The following OR9I1 variants were observed in gnomAD, a reference collection of about 807,000 sequenced individuals.
The protein encoded by OR9I1 is olfactory receptor 9I1.
OR9I1 carries 7 observed loss-of-function variants against 11.2 expected under a neutral mutation model. That is an observed-to-expected ratio of 0.62 (90% CI 0.36 to 1.17). The LOEUF is 1.17. OR9I1 is among the 50% of genes most tolerant of loss of function. The pLI is 0.02. For missense variants in OR9I1, 428 were observed against 377.2 expected (o/e 1.13, Z -1.12); for synonymous variants, 165 against 153.4 (o/e 1.08, Z -0.56).
chr11:58,118,504 A>G lies in OR9I1; in HGVS notation c.941T>C (p.Met314Thr). Reference protein sequence around the residue: ...VARRLQVSLSM With the variant: ...VARRLQVSLST Reference sequence around the variant, plus strand: ...AAGAATTCCTCTTACTTAGATCTACATGCTCAGGGACACCTGGAGTCTCCT... The same window carrying G: ...AAGAATTCCTCTTACTTAGATCTACGTGCTCAGGGACACCTGGAGTCTCCT... Residue 314 changes from methionine to threonine, a missense_variant, in exon 3 of 3, where the codon ATG (methionine) becomes ACG (threonine). Coordinates refer to ENST00000641439, the MANE Select transcript of OR9I1 (RefSeq NM_001005211.2). 6.3e-7 allele frequency: 1 copy of G among 1,586,262 alleles called. No individual in the cohort carries two copies. Among genetic ancestry groups the G allele is most frequent in the Non-Finnish European group, 8.6e-7 (1 of 1,167,456 alleles).
intron 2 of OR9I1, among the ~76,000 whole-genome samples, chr11:58,121,412 T>A (rs934436210): frequency 2.0e-5 from 3 of 152,190 alleles, no homozygotes; most frequent in African/African-American, 7.2e-5. Context: ...AAGTCATCTC[T>A]ACTCTCCCAG....
At position 58,119,440 on chromosome 11, in the gene OR9I1, G is replaced by A; in HGVS notation, c.5C>T (p.Ala2Val). ...GGTTACTCTGGTGAGATTATTCTTG[G>A]CCATGGAGACAATGTGGACTGTTGG... MAKNNLTRVTEF... is the reference protein window; with the variant it reads MVKNNLTRVTEF... The change falls in exon 3 of 3, where the codon GCC becomes GTC. Residue 2 changes from alanine to valine, a missense_variant. By Grantham distance (64) the Ala-to-Val change is moderately conservative (BLOSUM62 0). Coordinates refer to ENST00000641439, the MANE Select transcript of OR9I1 (RefSeq NM_001005211.2). The A allele has an allele frequency of 1.9e-6, 3 of 1,592,988 alleles. No homozygotes were observed. Among genetic ancestry groups the A allele is most frequent in the Non-Finnish European group, 2.6e-6 (3 of 1,164,980 alleles).
At position 58,119,055 on chromosome 11, in the gene OR9I1, C is replaced by T. The variant is rs1853994668; in HGVS notation, c.390G>A (p.Leu130=). Residue 130 remains leucine, a synonymous_variant, in exon 3 of 3, where the codon CTG becomes CTA. Transcript: ENST00000641439. ...YDRYAAIRNP[L]LYTVAMNPRL... is the part of the protein sequence containing the mutation. ...TGGGATTCATGGCCACGGTATAGAG[C>T]AGTGGGTTGCGAATGGCAGCATAGC... The T allele has an allele frequency of 7.4e-6, 12 of 1,613,996 alleles. No homozygotes were observed. Among genetic ancestry groups the T allele is most frequent in the Non-Finnish European group, 9.3e-6 (11 of 1,179,992 alleles).
chr11:58,125,257 A>AG lies in OR9I1; in HGVS notation c.-225+16dup, dbSNP rs1269506723. ...ACCCACCGCCCCCCCCCCAAAAAAA[A>AG]GCTGATCCAGTCTTACTTGTATATT... On this transcript the variant is annotated intron_variant, in intron 1 of 2. Coordinates refer to ENST00000641439, the MANE Select transcript of OR9I1 (RefSeq NM_001005211.2). 2.6e-5 allele frequency: 3 copies of AG among 115,486 alleles called. No homozygotes were observed. The highest frequency in any genetic ancestry group is 5.1e-5 in the Non-Finnish European group (3 of 58,962). The allele number at this position is 115,486 out of a possible 1,614,324, so 7.2% of individuals were successfully genotyped here.
chr11:58,121,876 C>A (rs910038937), intron 2 of OR9I1, among the ~76,000 whole-genome samples: 2 of 152,148 alleles, frequency 1.3e-5, no homozygotes, highest in Non-Finnish European at 2.9e-5. Context: ...TGCCTCCACA[C>A]CCCTGTAAAG....
chr11:58,125,076 A>G (rs1055168231), intron 1 of OR9I1, among the ~76,000 whole-genome samples, 198 bp downstream of exon 1: 3 of 152,156 alleles, frequency 2.0e-5, no homozygotes, highest in African/African-American at 7.2e-5. Flanking sequence ...ATTCTACTCC[A>G]GCATAATTAC....
At chr11:58,123,217 A>G (rs961172668) in intron 2 of OR9I1, among the ~76,000 whole-genome samples, 2 of 152,204 alleles carry the variant, frequency 1.3e-5, no homozygotes, top group African/African-American at 4.8e-5. Context: ...TTTCAGCTAT[A>G]AATTTGTTTT....
At position 58,122,940 on chromosome 11, in the gene OR9I1, T is replaced by A. The variant is rs370946730; in HGVS notation, c.-23+1498A>T. Among the ~76,000 whole-genome samples, 5 of 151,472 alleles carry A rather than the reference T, an allele frequency of 3.3e-5. No homozygotes were observed. The East Asian group carries it at 5.8e-4, about 18-fold the overall frequency. On this transcript the variant is annotated intron_variant, in intron 2 of 2. Coordinates refer to ENST00000641439, the MANE Select transcript of OR9I1 (RefSeq NM_001005211.2). ...CATACACCGTATTTTTGTGATTTGTTTATGTAATTGTGGTAAATTTTGTTT... is the reference window on the plus strand; with the variant it reads ...CATACACCGTATTTTTGTGATTTGTATATGTAATTGTGGTAAATTTTGTTT...
In OR9I1 at chr11:58,118,350, C is replaced by T. The variant is rs187474921; in HGVS notation, c.*150G>A. The T allele has an allele frequency of 1.2e-4, 74 of 593,024 alleles. 1 individual carries two copies. The highest frequency in any genetic ancestry group is 7.9e-4 in the East Asian group (30 of 37,788). 36.7% of individuals were successfully genotyped at this position (593,024 alleles called of 1,614,324 possible). A position where few individuals can be genotyped will look rare whatever the true frequency, so the allele number is the denominator to read the frequency against. On this transcript the variant is annotated 3_prime_UTR_variant, in exon 3 of 3. Transcript: ENST00000641439. ...ATGGAATTGCTGGAAACTAATTTCA[C>T]CACAATTGTAGTTTTTCCTGTGTGC... is the stretch of plus-strand genomic sequence containing the variant.
Position 58,118,833 on chromosome 11 carries a change from A to T in OR9I1, c.612T>A (p.Asn204Lys). ...NIEIVIIFFG[N>K]FVILANASVI... ...CGGAGGCATTGGCCAAAATCACAAA[A>T]TTGCCAAAGAAGATGATGACAATCT... The change falls in exon 3 of 3, where the codon AAT becomes AAA. Residue 204 changes from asparagine to lysine, a missense_variant. By Grantham distance (94) the Asn-to-Lys change is moderately conservative. Coordinates refer to ENST00000641439, the MANE Select transcript of OR9I1 (RefSeq NM_001005211.2). 4.3e-6 allele frequency: 7 copies of T among 1,614,042 alleles called. No homozygotes were observed. Among genetic ancestry groups the T allele is most frequent in the Non-Finnish European group, 5.9e-6 (7 of 1,180,004 alleles).
intron 2 of OR9I1, among the ~76,000 whole-genome samples, chr11:58,120,388 TC>T (rs1435828954): frequency 6.6e-6 from 1 of 152,172 alleles, no homozygotes; most frequent in Non-Finnish European, 1.5e-5. Context: ...TATGCTTATG[TC>T]ATAGGGGTCT....
intron 2 of OR9I1, among the ~76,000 whole-genome samples, chr11:58,121,092 C>A (rs977338117): frequency 2.0e-5 from 3 of 152,010 alleles, no homozygotes; most frequent in African/African-American, 7.2e-5. Context: ...TGATTGGATA[C>A]ACAGAAAAGG....
Position 58,119,345 on chromosome 11 carries a change from A to C in OR9I1, c.100T>G (p.Phe34Val), listed in dbSNP as rs1157900710. The C allele has an allele frequency of 6.2e-7, 1 of 1,613,918 alleles. No homozygotes were observed. Residue 34 changes from phenylalanine to valine, a missense_variant, in exon 3 of 3, where the codon TTC (phenylalanine) becomes GTC (valine). Phe to Val is a conservative substitution (Grantham distance 50). Coordinates refer to ENST00000641439, the MANE Select transcript of OR9I1 (RefSeq NM_001005211.2). ...EIPLFLVFLS[F>V]YLVTLLGNVG... is the part of the protein sequence containing the mutation. Reference sequence around the variant, plus strand: ...TTCCCAAGAAGGGTGACTAGGTAGAAACTCAGAAACACCAGAAAGAGGGGA... The same window carrying C: ...TTCCCAAGAAGGGTGACTAGGTAGACACTCAGAAACACCAGAAAGAGGGGA...
chr11:58,118,556 C>A lies in OR9I1; in HGVS notation c.889G>T (p.Val297Leu), dbSNP rs372541402. The A allele has an allele frequency of 7.4e-6, 12 of 1,613,526 alleles. No individual in the cohort carries two copies. The highest frequency in any genetic ancestry group is 1.0e-5 in the Non-Finnish European group (12 of 1,179,856). The change falls in exon 3 of 3, where the codon GTA becomes TTA. Residue 297 changes from valine (V) to leucine (L), a missense_variant. Physicochemically the swap from Val to Leu is conservative, Grantham distance 32. Coordinates refer to ENST00000641439, the MANE Select transcript of OR9I1 (RefSeq NM_001005211.2). The part of the protein sequence containing the change: ...PLIYSLRNKD[V>L]KDAFRKVARR... ...GCGACCTTTCTGAAGGCGTCTTTTA[C>A]ATCTTTGTTTCTTAAGCTGTAGATC...
chr11:58,121,873 A>C (rs1194024621), intron 2 of OR9I1, among the ~76,000 whole-genome samples: 3 of 152,112 alleles, frequency 2.0e-5, no homozygotes, highest in African/African-American at 7.2e-5. Context: ...GATTGCCTCC[A>C]CACCCCTGTA....
At chr11:58,125,244 C>T (rs888993688) in intron 1 of OR9I1, 30 bp downstream of exon 1, 1 of 122,016 alleles carries the variant, frequency 8.2e-6, no homozygotes, top group Non-Finnish European at 1.7e-5. Flanking sequence ...CCACCGCCCC[C>T]CCCCCAAAAA....
At position 58,118,862 on chromosome 11, in the gene OR9I1, T is replaced by C. The variant is rs1853990342; in HGVS notation, c.583A>G (p.Ile195Val). The change falls in exon 3 of 3, where the codon ATC (isoleucine) becomes GTC (valine). Residue 195 changes from isoleucine (I) to valine (V), a missense_variant. By Grantham distance (29) the Ile-to-Val change is conservative (BLOSUM62 3). Coordinates refer to ENST00000641439, the MANE Select transcript of OR9I1 (RefSeq NM_001005211.2). ...CCAAAGAAGATGATGACAATCTCGA[T>C]GTTTGCTGTGTCACTGCAGGCAAGC... is the stretch of plus-strand genomic sequence containing the variant. ...LKLACSDTAN[I>V]EIVIIFFGNF... The C allele has an allele frequency of 2.5e-6, 4 of 1,614,012 alleles. No homozygotes were observed. The South Asian group carries it at 3.3e-5, about 13-fold the overall frequency.
In OR9I1 at chr11:58,118,418, G is replaced by A; in HGVS notation, c.*82C>T. ...CTGTCTTCTCTGTTTGTGGGTATAGGTTGCATATAGTAATGGTGCCTATTA... is the reference window on the plus strand; with the variant it reads ...CTGTCTTCTCTGTTTGTGGGTATAGATTGCATATAGTAATGGTGCCTATTA... On this transcript the variant is annotated 3_prime_UTR_variant, in exon 3 of 3. Transcript: ENST00000641439. The A allele has an allele frequency of 1.1e-6, 1 of 879,102 alleles. No individual in the cohort carries two copies. The highest frequency in any genetic ancestry group is 2.3e-5 in the Admixed American group (1 of 43,344). 54.5% of individuals were successfully genotyped at this position (879,102 alleles called of 1,614,324 possible). A position where few individuals can be genotyped will look rare whatever the true frequency, so the allele number is the denominator to read the frequency against.
At position 58,123,656 on chromosome 11, in the gene OR9I1, G is replaced by A. The variant is rs527605169; in HGVS notation, c.-23+782C>T. Among the ~76,000 whole-genome samples the A allele has an allele frequency of 9.9e-4, 151 of 152,262 alleles. No homozygotes were observed. In the South Asian group the frequency reaches 0.017, roughly 17 times the overall value. On this transcript the variant is annotated intron_variant, in intron 2 of 2. Coordinates refer to ENST00000641439, the MANE Select transcript of OR9I1 (RefSeq NM_001005211.2). Reference sequence around the variant, plus strand: ...GTCCAACTTATTATACACCTAGGAAGGAACAGAACAGACATTTGAACCTAG... The same window carrying A: ...GTCCAACTTATTATACACCTAGGAAAGAACAGAACAGACATTTGAACCTAG...
Sources: allele counts gnomAD v4.1 joint callset (sites outside exome capture counted in the v4.1 genomes callset), GRCh38; gene constraint gnomAD v4.1.1; transcripts MANE v1.5; gene names NCBI Gene and HGNC (gene_info 2026-07-23, HGNC 2026-07-21).